XPNPEP3: variants seen among roughly 807,000 people sequenced by gnomAD.
XPNPEP3 encodes the protein X-prolyl aminopeptidase 3.
In XPNPEP3, 41 loss-of-function variants were observed where a neutral mutation model predicts 60.0. That is an observed-to-expected ratio of 0.68 (90% CI 0.53 to 0.89). XPNPEP3 has a LOEUF of 0.89. Ranked by LOEUF, XPNPEP3 falls within the 40% of genes least tolerant of loss-of-function variation. The probability of loss-of-function intolerance (pLI) is 0.00; values close to 1 mark genes in which losing one functional copy is unlikely to be tolerated. For synonymous variants in XPNPEP3, 212 were observed against 223.2 expected (o/e 0.95, Z 0.45); for missense variants, 598 against 638.9 (o/e 0.94, Z 0.69).
Position 40,924,491 on chromosome 22 carries a change from AG to A in XPNPEP3, c.1357+11del. ...AATCACAATTGAGCCCGGTAAGGAG[AG>A]GTGTTACAATAGTAGTATGAGGTAA... On this transcript the variant is annotated intron_variant, in intron 9 of 9. Coordinates refer to ENST00000357137, the MANE Select transcript of XPNPEP3 (RefSeq NM_022098.4). 1 of 1,613,768 alleles carries A rather than the reference AG, an allele frequency of 6.2e-7. No homozygotes were observed. The highest frequency in any genetic ancestry group is 8.5e-7 in the Non-Finnish European group (1 of 1,179,876).
At chr22:40,903,511 G>A (rs1197632701) in intron 4 of XPNPEP3, among the ~76,000 whole-genome samples, 1 of 149,284 alleles carries the variant, frequency 6.7e-6, no homozygotes, top group Non-Finnish European at 1.5e-5. Context: ...TTTTTTTTAA[G>A]ATGGAATCTT....
At chr22:40,866,123 A>T (rs28417895) in intron 1 of XPNPEP3, among the ~76,000 whole-genome samples, 25,907 of 152,142 alleles carry the variant, frequency 0.17, 3,061 homozygotes, top group Non-Finnish European at 0.25. Context: ...TCAAGTCAAA[A>T]ATCAAGAATT....
chr22:40,904,977 C>T (rs2058148933), intron 4 of XPNPEP3, among the ~76,000 whole-genome samples: 1 of 152,160 alleles, frequency 6.6e-6, no homozygotes. Flanking sequence ...CCATGTTGGC[C>T]AGGCTGGTCT....
chr22:40,926,243 A>G, intron 9 of XPNPEP3, 26 bp from the exon 10 acceptor site: 1 of 1,614,082 alleles, frequency 6.2e-7, no homozygotes, highest in Non-Finnish European at 8.5e-7. Context: ...ATTCCTGAAC[A>G]GCATGTTCTT....
chr22:40,871,569 AT>A (rs1000407057), intron 2 of XPNPEP3, among the ~76,000 whole-genome samples: 52 of 150,642 alleles, frequency 3.5e-4, no homozygotes, highest in African/African-American at 8.3e-4. Flanking sequence ...GTAAGCATAG[AT>A]TTTTTTTTTA....
intron 7 of XPNPEP3, among the ~76,000 whole-genome samples, chr22:40,916,306 A>G (rs529905371): frequency 6.6e-6 from 1 of 152,234 alleles, no homozygotes; most frequent in South Asian, 2.1e-4. Context: ...AAAGGAAAAA[A>G]AAAAAGAAAG....
intron 1 of XPNPEP3, chr22:40,861,028 C>A (rs773954159): frequency 1.3e-6 from 2 of 1,534,944 alleles, no homozygotes; most frequent in East Asian, 2.3e-5. Context: ...AAAACACACA[C>A]AATTGTGTTC....
In XPNPEP3 at chr22:40,872,596, G is replaced by A. The variant is rs931096804; in HGVS notation, c.181+3481G>A. ...CTCCCAAGTAGCTGGGATTACAGGC[G>A]CCTGCTACCACATCCGGCTAATTTT... On this transcript the variant is annotated intron_variant, in intron 2 of 9. Transcript: ENST00000357137. Among the ~76,000 whole-genome samples, 7 of 152,002 alleles carry A rather than the reference G, an allele frequency of 4.6e-5. No homozygotes were observed. The South Asian group carries it at 8.3e-4, about 18-fold the overall frequency.
chr22:40,889,671 A>G (rs2058081852), intron 4 of XPNPEP3, among the ~76,000 whole-genome samples: 1 of 152,226 alleles, frequency 6.6e-6, no homozygotes, highest in Non-Finnish European at 1.5e-5. Flanking sequence ...ACAAAAAAAG[A>G]TATTTTAATT....
intron 1 of XPNPEP3, chr22:40,861,841 C>T (rs780966246): frequency 6.2e-7 from 1 of 1,613,948 alleles, no homozygotes; most frequent in Non-Finnish European, 8.5e-7. Context: ...ACCTCGTATG[C>T]CTCAGCTACT....
intron 4 of XPNPEP3, among the ~76,000 whole-genome samples, chr22:40,893,550 A>T (rs1460053572): frequency 1.3e-5 from 2 of 151,436 alleles, no homozygotes; most frequent in Non-Finnish European, 2.9e-5. Context: ...TGAAACAGGA[A>T]TCAAGATATA....
chr22:40,860,594 G>T, intron 1 of XPNPEP3: 6 of 1,214,278 alleles, frequency 4.9e-6, no homozygotes, highest in East Asian at 2.7e-5. Flanking sequence ...AAGAAAAATA[G>T]GCTATAAACT....
intron 4 of XPNPEP3, among the ~76,000 whole-genome samples, chr22:40,897,029 CT>C (rs762152639): frequency 0.018 from 1,899 of 107,682 alleles, 16 homozygotes; most frequent in African/African-American, 0.059. Flanking sequence ...TTTCCTTCAT[CT>C]TTTTTTTTTT....
intron 4 of XPNPEP3, chr22:40,907,210 A>T (rs1462138496): frequency 2.2e-6 from 1 of 458,310 alleles, no homozygotes; most frequent in East Asian, 6.9e-5. Flanking sequence ...TCACGAGGTC[A>T]GGAGATCGAG....
At chr22:40,920,034 A>G (rs1047838097) in intron 7 of XPNPEP3, among the ~76,000 whole-genome samples, 1 of 152,196 alleles carries the variant, frequency 6.6e-6, no homozygotes, top group East Asian at 1.9e-4. Flanking sequence ...CAAAATAATC[A>G]CAATAGCATT....
Position 40,901,086 on chromosome 22 carries a change from CT to C in XPNPEP3, c.793-6500del, listed in dbSNP as rs374345746. ...CCTGGGCAACATAGTGAGACCTCCT[CT>C]CTTTTTATTAAAAAAAAAGAATTTA... is the stretch of plus-strand genomic sequence containing the variant. On this transcript the variant is annotated intron_variant, in intron 4 of 9. Transcript: ENST00000357137. Among the ~76,000 whole-genome samples the C allele has an allele frequency of 1.3e-3, 200 of 151,712 alleles. No homozygotes were observed. In the Middle Eastern group the frequency reaches 0.024, roughly 18 times the overall value.
intron 1 of XPNPEP3, among the ~76,000 whole-genome samples, chr22:40,866,945 G>A (rs1453426266): frequency 6.6e-6 from 1 of 152,160 alleles, no homozygotes; most frequent in Admixed American, 6.6e-5. Context: ...AAATTTTACT[G>A]CCTAATGAGA....
chr22:40,881,620 C>A, intron 2 of XPNPEP3, 150 bp from the exon 3 acceptor site: 1 of 947,486 alleles, frequency 1.1e-6, no homozygotes, highest in Non-Finnish European at 1.6e-6. Flanking sequence ...AAGTTTGAAA[C>A]CTGGTTATCT....
At chr22:40,924,621 T>TGAGG in intron 9 of XPNPEP3, 139 bp downstream of exon 9, 1 of 1,258,482 alleles carries the variant, frequency 7.9e-7, no homozygotes, top group Non-Finnish European at 1.1e-6. Flanking sequence ...CCCCCCAGGT[T>TGAGG]CAGCAATTCT....
Sources: allele counts gnomAD v4.1 joint callset (sites outside exome capture counted in the v4.1 genomes callset), GRCh38; gene constraint gnomAD v4.1.1; transcripts MANE v1.5; gene names NCBI Gene and HGNC (gene_info 2026-07-23, HGNC 2026-07-21).